METTL6: variants seen among roughly 807,000 people sequenced by gnomAD.
METTL6 encodes tRNA N(3)-cytidine methyltransferase METTL6.
In METTL6, 22 loss-of-function variants were observed where a neutral mutation model predicts 26.4. That is an observed-to-expected ratio of 0.83 (90% CI 0.59 to 1.19). METTL6 has a LOEUF of 1.19. Among genes scored for constraint, METTL6 ranks in the 50% most tolerant of loss-of-function variants. The pLI is 0.00. For synonymous variants in METTL6, 109 were observed against 116.2 expected (o/e 0.94, Z 0.40); for missense variants, 304 against 324.8 (o/e 0.94, Z 0.49).
At chr3:15,405,187 C>T (rs1699752277), downstream of METTL6, among the ~76,000 whole-genome samples, 1 of 152,206 alleles carries the variant, frequency 6.6e-6, no homozygotes, top group Admixed American at 6.5e-5. Flanking sequence ...TAGGACCCTT[C>T]ATTGGTGTCC....
At chr3:15,401,910 A>G (rs914453452) in intron 6 of METTL6, among the ~76,000 whole-genome samples, 1 of 152,210 alleles carries the variant, frequency 6.6e-6, no homozygotes, top group Admixed American at 6.5e-5. Flanking sequence ...AGCCCATGCC[A>G]CTACTGTGCC....
chr3:15,397,806 C>T (rs1699533263), intron 6 of METTL6, among the ~76,000 whole-genome samples: 1 of 152,148 alleles, frequency 6.6e-6, no homozygotes, highest in African/African-American at 2.4e-5. Context: ...AGCCATAATT[C>T]TGGAGGTCAT....
intron 4 of METTL6, chr3:15,414,854 T>G (rs1305917470): frequency 1.7e-6 from 1 of 602,992 alleles, no homozygotes; most frequent in African/African-American, 1.9e-5. Flanking sequence ...CCCAGGAAGT[T>G]GAGGCTGCAG....
At chr3:15,407,144 G>C (rs903223496), downstream of METTL6, among the ~76,000 whole-genome samples, 2 of 151,940 alleles carry the variant, frequency 1.3e-5, no homozygotes, top group African/African-American at 4.8e-5. Context: ...CAATTAGCTG[G>C]GACTACAGTG....
chr3:15,398,339 G>A (rs1432957378), intron 6 of METTL6, among the ~76,000 whole-genome samples: 7 of 151,944 alleles, frequency 4.6e-5, no homozygotes, highest in African/African-American at 7.3e-5. Flanking sequence ...GATTACAGGC[G>A]CACACCACCA....
Position 15,396,960 on chromosome 3 carries a change from C to T in METTL6, c.*12-12773G>A, listed in dbSNP as rs1699505141. On this transcript the variant is annotated intron_variant, in intron 6 of 6. Coordinates refer to the METTL6 transcript ENST00000443029. ...GACCCACTTGAGGAGGCAGTCTGTC[C>T]GTTCTCAGATCTCCAGCTGCGTGCT... 2.0e-5 allele frequency among the ~76,000 whole-genome samples: 3 copies of T among 152,192 alleles called. No individual in the cohort carries two copies. In the South Asian group the frequency reaches 6.2e-4, roughly 31 times the overall value.
Position 15,415,873 on chromosome 3 carries a change from C to G in METTL6, c.430G>C (p.Asp144His). 6.2e-7 allele frequency: 1 copy of G among 1,614,134 alleles called. No homozygotes were observed. ...QCDLTKDDLL[D>H]HVPPESVDVV... ...TCCACAGACTCTGGCGGTACATGATCCAGAAGATCATCTTTAGTCAGATCA... is the reference window on the plus strand; with the variant it reads ...TCCACAGACTCTGGCGGTACATGATGCAGAAGATCATCTTTAGTCAGATCA... Residue 144 changes from aspartate (D) to histidine (H), a missense_variant, in exon 4 of 6, where the codon GAT becomes CAT. Physicochemically the swap from Asp to His is moderately conservative, Grantham distance 81 (BLOSUM62 -1). Coordinates refer to ENST00000383790, the MANE Select transcript of METTL6 (RefSeq NM_152396.4).
At chr3:15,390,361 G>C (rs1699311478) in intron 6 of METTL6, among the ~76,000 whole-genome samples, 1 of 152,192 alleles carries the variant, frequency 6.6e-6, no homozygotes, top group Non-Finnish European at 1.5e-5. Context: ...CTGGGAAGCA[G>C]AGGTTGCAGT....
intron 6 of METTL6, among the ~76,000 whole-genome samples, chr3:15,395,134 A>G (rs766093462): frequency 9.2e-5 from 14 of 152,138 alleles, no homozygotes; most frequent in African/African-American, 2.9e-4. Flanking sequence ...GTGGGAGTCT[A>G]AGTCTCTTTG....
At chr3:15,406,573 A>C (rs1361272261), downstream of METTL6, among the ~76,000 whole-genome samples, 1 of 137,314 alleles carries the variant, frequency 7.3e-6, no homozygotes, top group Non-Finnish European at 1.5e-5. Flanking sequence ...CATGAAAAAA[A>C]AAAAACAAAC....
At chr3:15,383,093 TG>T (rs1699114019) in exon 7 of METTL6, 1 of 152,194 alleles carries the variant, frequency 6.6e-6, no homozygotes, top group Non-Finnish European at 1.5e-5. Flanking sequence ...ATGTATACTT[TG>T]AAGGAGCATC....
chr3:15,423,196 G>T (rs375133882), intron 3 of METTL6, among the ~76,000 whole-genome samples: 1 of 152,146 alleles, frequency 6.6e-6, no homozygotes, highest in Non-Finnish European at 1.5e-5. Context: ...AGGAGTTTGA[G>T]ACCAGCGTGG....
chr3:15,397,106 C>T (rs958544066), intron 6 of METTL6, among the ~76,000 whole-genome samples: 1 of 152,200 alleles, frequency 6.6e-6, no homozygotes, highest in South Asian at 2.1e-4. Flanking sequence ...GGCAGGCAGG[C>T]CTCCTTGAGC....
chr3:15,398,087 A>G (rs1216128589), intron 6 of METTL6, among the ~76,000 whole-genome samples: 1 of 151,914 alleles, frequency 6.6e-6, no homozygotes, highest in Non-Finnish European at 1.5e-5. Context: ...ACTACCTTTG[A>G]AAAACTCCTA....
intron 6 of METTL6, among the ~76,000 whole-genome samples, chr3:15,387,788 C>T (rs1559477120): frequency 6.6e-6 from 1 of 151,522 alleles, no homozygotes; most frequent in Non-Finnish European, 1.5e-5. Flanking sequence ...CAGAGATTAG[C>T]TTGTAAATCG....
chr3:15,412,474 A>ATTTTG (rs1342093557), intron 5 of METTL6, among the ~76,000 whole-genome samples: 1 of 151,536 alleles, frequency 6.6e-6, no homozygotes, highest in South Asian at 2.1e-4. Context: ...ATAATTTTGC[A>ATTTTG]TTTTGTTTTG....
At chr3:15,394,496 C>T (rs751370465) in intron 6 of METTL6, among the ~76,000 whole-genome samples, 2 of 152,096 alleles carry the variant, frequency 1.3e-5, no homozygotes, top group Non-Finnish European at 1.5e-5. Context: ...TCTCTATTTC[C>T]TTCAGTTCTG....
chr3:15,419,376 T>A (rs1485026141), intron 3 of METTL6, among the ~76,000 whole-genome samples: 2 of 152,228 alleles, frequency 1.3e-5, no homozygotes, highest in African/African-American at 4.8e-5. Flanking sequence ...TTTGCCTGTC[T>A]GTTCACTGTT....
chr3:15,426,037 T>C (rs1039910855), intron 2 of METTL6, among the ~76,000 whole-genome samples: 1 of 151,830 alleles, frequency 6.6e-6, no homozygotes, highest in African/African-American at 2.4e-5. Context: ...GCCTCCCGGG[T>C]TCAAGCGATT....
Sources: allele counts gnomAD v4.1 joint callset (sites outside exome capture counted in the v4.1 genomes callset), GRCh38; gene constraint gnomAD v4.1.1; transcripts MANE v1.5; gene names NCBI Gene and HGNC (gene_info 2026-07-23, HGNC 2026-07-21).